The following REV1 variants were observed in gnomAD, a reference collection of about 807,000 sequenced individuals.
REV1 encodes REV1 DNA directed polymerase.
In REV1, 42 loss-of-function variants were observed where a neutral mutation model predicts 137.4. The observed-to-expected ratio is 0.31, with a 90% CI of 0.24 to 0.40. The LOEUF (loss-of-function observed/expected upper bound fraction) is 0.40. Among genes scored for constraint, REV1 ranks in the 10% least tolerant of loss-of-function variants. The pLI is 1.00. For missense variants in REV1, 1,282 were observed against 1,490.1 expected, an observed-to-expected ratio of 0.86 and a Z score of 2.30; for synonymous variants, 524 against 519.2, an observed-to-expected ratio of 1.01 and a Z score of -0.12.
chr2:99,428,733 C>T (rs968673139), intron 9 of REV1, among the ~76,000 whole-genome samples: 5 of 152,168 alleles, frequency 3.3e-5, no homozygotes, highest in African/African-American at 7.2e-5. Context: ...CAGTGGCTCA[C>T]GCCTGTAATC....
intron 7 of REV1, chr2:99,435,369 A>G (rs1037307630): frequency 5.9e-5 from 9 of 152,626 alleles, no homozygotes; most frequent in Admixed American, 5.2e-4. Context: ...AAGACTGTCC[A>G]GACGACTTAA....
chr2:99,403,301 TTAC>T (rs1675764442), intron 19 of REV1, 195 bp from the exon 20 acceptor site: 1 of 597,770 alleles, frequency 1.7e-6, no homozygotes, highest in South Asian at 2.1e-5. Flanking sequence ...GCTTTGCCAC[TTAC>T]TAATTTGACC....
At position 99,433,120 on chromosome 2, in the gene REV1, A is replaced by G. The variant is rs193295570; in HGVS notation, c.1438+1212T>C. ...CAAGTATTGTGTACTTCCTTAAGCT[A>G]TTTCTTATTTTCTAGAACTTAAGAT... On this transcript the variant is annotated intron_variant, in intron 8 of 22. Coordinates refer to ENST00000258428, the MANE Select transcript of REV1 (RefSeq NM_016316.4). Among the ~76,000 whole-genome samples the G allele has an allele frequency of 3.4e-3, 515 of 152,284 alleles. 3 individuals are homozygous for G. The highest frequency in any genetic ancestry group is 0.011 in the African/African-American group (446 of 41,564).
At chr2:99,408,241 AAAG>A (rs1018005928) in intron 14 of REV1, 110 bp from the exon 15 acceptor site, 5 of 538,258 alleles carry the variant, frequency 9.3e-6, no homozygotes, top group Middle Eastern at 4.9e-4. Flanking sequence ...AAACAGTTAC[AAAG>A]AAGATTATAA....
intron 11 of REV1, among the ~76,000 whole-genome samples, chr2:99,419,937 A>G (rs1173353808): frequency 6.6e-6 from 1 of 152,258 alleles, no homozygotes. Context: ...AAGTCACACC[A>G]AAATGATAAA....
Position 99,400,606 on chromosome 2 carries a change from A to G in REV1, c.*635T>C, listed in dbSNP as rs2104280267. 1 of 152,334 alleles carries G rather than the reference A, an allele frequency of 6.6e-6. No individual in the cohort carries two copies. The highest frequency in any genetic ancestry group is 1.5e-5 in the Non-Finnish European group (1 of 68,024). The allele number at this position is 152,334 out of a possible 1,614,324, so 9.4% of individuals were successfully genotyped here. ...TTCTCAATGGCCAGTAGAAGCAAAA[A>G]GACAACACCACCTCTGATCTACGGG... On this transcript the variant is annotated 3_prime_UTR_variant, in exon 23 of 23. Transcript: ENST00000258428.
intron 1 of REV1, among the ~76,000 whole-genome samples, chr2:99,476,439 C>T (rs1325768371): frequency 2.0e-5 from 3 of 152,162 alleles, no homozygotes; most frequent in African/African-American, 7.2e-5. Context: ...GCCGGTAATC[C>T]CAGCTACTCA....
chr2:99,448,986 A>G (rs1328424793), intron 4 of REV1, among the ~76,000 whole-genome samples: 1 of 152,216 alleles, frequency 6.6e-6, no homozygotes, highest in Non-Finnish European at 1.5e-5. Flanking sequence ...ATTAGTTACA[A>G]TTTTATAAAA....
Position 99,414,456 on chromosome 2 carries a change from T to TA in REV1, c.1952-1506dup, listed in dbSNP as rs201539173. Among the ~76,000 whole-genome samples, 193 of 138,542 alleles carry TA rather than the reference T, an allele frequency of 1.4e-3. 1 individual carries two copies. Among genetic ancestry groups the TA allele is most frequent in the African/African-American group, 2.2e-3 (82 of 37,678 alleles). The allele number at this position is 138,542 out of a possible 152,430, so 90.9% of individuals were successfully genotyped here. A position where few individuals can be genotyped will look rare whatever the true frequency, so the allele number is the denominator to read the frequency against. On this transcript the variant is annotated intron_variant, in intron 12 of 22. Transcript: ENST00000258428. ...TACCAAAGACCCCGAGTTAACAATT[T>TA]AAAAAAAAAAAAAAATTCCTCCAGA... is the stretch of plus-strand genomic sequence containing the variant.
chr2:99,447,267 G>A (rs1472897655), intron 4 of REV1, among the ~76,000 whole-genome samples: 1 of 151,932 alleles, frequency 6.6e-6, no homozygotes, highest in African/African-American at 2.4e-5. Context: ...CTGCCTCCCA[G>A]GTTCAAGCGA....
intron 1 of REV1, among the ~76,000 whole-genome samples, chr2:99,488,901 C>G (rs1687378057): frequency 6.6e-6 from 1 of 152,206 alleles, no homozygotes; most frequent in Non-Finnish European, 1.5e-5. Flanking sequence ...GTGCTATGTG[C>G]TAGTCTGCAT....
At chr2:99,489,116 C>T (rs1404635261) in intron 1 of REV1, among the ~76,000 whole-genome samples, 1 of 152,098 alleles carries the variant, frequency 6.6e-6, no homozygotes, top group Non-Finnish European at 1.5e-5. Flanking sequence ...CCCAGAGCGG[C>T]GTCACTGTAA....
At chr2:99,469,638 C>G (rs1313007697) in intron 1 of REV1, among the ~76,000 whole-genome samples, 2 of 152,252 alleles carry the variant, frequency 1.3e-5, no homozygotes, top group East Asian at 3.9e-4. Flanking sequence ...TAGGGATGTT[C>G]AAAACTCTAT....
At chr2:99,480,925 A>C (rs1452597680) in intron 1 of REV1, among the ~76,000 whole-genome samples, 1 of 152,256 alleles carries the variant, frequency 6.6e-6, no homozygotes, top group East Asian at 1.9e-4. Context: ...TCAATGTAAC[A>C]ATTTAGCACA....
At position 99,404,641 on chromosome 2, in the gene REV1, G is replaced by A; in HGVS notation, c.2848C>T (p.Leu950Phe). The A allele has an allele frequency of 6.2e-7, 1 of 1,611,856 alleles. No homozygotes were observed. Among genetic ancestry groups the A allele is most frequent in the Non-Finnish European group, 8.5e-7 (1 of 1,179,480 alleles). Residue 950 changes from leucine to phenylalanine, a missense_variant, in exon 18 of 23, where the codon CTC (leucine) becomes TTC (phenylalanine). By Grantham distance (22) the Leu-to-Phe change is conservative. Transcript: ENST00000258428. ...QSVLEALPPD[L>F]REQVEQVCAV... ...CAGACTTGCTCTACTTGTTCCCGGAGATCAGGTGGAAGTGCTTCTAAAACA... is the reference window on the plus strand; with the variant it reads ...CAGACTTGCTCTACTTGTTCCCGGAAATCAGGTGGAAGTGCTTCTAAAACA...
At chr2:99,411,212 C>T (rs1212824294) in intron 13 of REV1, among the ~76,000 whole-genome samples, 1 of 151,956 alleles carries the variant, frequency 6.6e-6, no homozygotes. Flanking sequence ...CGCTTGAACC[C>T]AGGAGACGGA....
intron 1 of REV1, among the ~76,000 whole-genome samples, chr2:99,474,037 G>A (rs1685704034): frequency 1.3e-5 from 2 of 152,082 alleles, no homozygotes; most frequent in African/African-American, 4.8e-5. Flanking sequence ...AAACAGAAAA[G>A]GAAAGAATTA....
intron 10 of REV1, among the ~76,000 whole-genome samples, chr2:99,423,594 T>A (rs1413898399): frequency 6.6e-6 from 1 of 152,220 alleles, no homozygotes; most frequent in Non-Finnish European, 1.5e-5. Flanking sequence ...TAAATATTTT[T>A]AAATACATCT....
intron 5 of REV1, among the ~76,000 whole-genome samples, 195 bp downstream of exon 5, chr2:99,442,122 C>T (rs185776830): frequency 6.6e-6 from 1 of 151,878 alleles, no homozygotes; most frequent in African/African-American, 2.4e-5. Context: ...CGTGGTGGCA[C>T]ACGCCTGTAA....
Sources: gnomAD v4.1 joint callset for allele counts (sites outside exome capture counted in the v4.1 genomes callset) on GRCh38, gnomAD v4.1.1 for gene constraint, MANE v1.5 for transcripts, NCBI Gene and HGNC (gene_info 2026-07-23, HGNC 2026-07-21) for gene names.